AGO3: variants seen among roughly 807,000 people sequenced by gnomAD.
AGO3 encodes the protein argonaute RISC catalytic component 3, also known as protein argonaute-3.
Under a neutral mutation model 105.5 loss-of-function variants are expected in AGO3, and 16 were observed. The ratio of observed to expected loss-of-function variants is 0.15; its 90% CI spans 0.10 to 0.23. The LOEUF is 0.23. AGO3 is among the 10% of genes least tolerant of loss of function. The pLI, the probability that AGO3 is intolerant of heterozygous loss-of-function variation, is 1.00. For missense variants in AGO3, 534 were observed against 1,088.0 expected (o/e 0.49, Z 7.16); for synonymous variants, 340 against 367.3 (o/e 0.93, Z 0.85).
rs1482797691 is a variant in AGO3, at chr1:36,064,256, T to G, written c.*8511T>G. 2.6e-5 allele frequency: 4 copies of G among 152,400 alleles called. No homozygotes were observed. The highest frequency in any genetic ancestry group is 6.6e-5 in the Admixed American group (1 of 15,258). 9.4% of individuals were successfully genotyped at this position (152,400 alleles called of 1,614,324 possible). On this transcript the variant is annotated 3_prime_UTR_variant, in exon 19 of 19. Transcript: ENST00000373191. Reference sequence around the variant, plus strand: ...TTAGCTGGGCATGGTGGCACATGCCTGTAATCCCAGCTACTCGGGAGGCTG... The same window carrying G: ...TTAGCTGGGCATGGTGGCACATGCCGGTAATCCCAGCTACTCGGGAGGCTG...
chr1:35,968,946 G>C (rs1646819328), intron 3 of AGO3, among the ~76,000 whole-genome samples: 1 of 151,794 alleles, frequency 6.6e-6, no homozygotes, highest in African/African-American at 2.4e-5. Context: ...ATCCTAATGG[G>C]CGTGAGATGA....
At chr1:35,993,861 C>A (rs1425411254) in intron 5 of AGO3, among the ~76,000 whole-genome samples, 1 of 148,482 alleles carries the variant, frequency 6.7e-6, no homozygotes, top group African/African-American at 2.5e-5. Flanking sequence ...CATTGTCCTG[C>A]CTCAGCCTCC....
chr1:36,026,499 A>G (rs1641511238), intron 11 of AGO3, among the ~76,000 whole-genome samples: 1 of 152,208 alleles, frequency 6.6e-6, no homozygotes, highest in African/African-American at 2.4e-5. Context: ...AGGTAATACT[A>G]TAGAAATTCT....
intron 2 of AGO3, among the ~76,000 whole-genome samples, chr1:35,966,141 A>C (rs924438467): frequency 2.0e-5 from 3 of 152,130 alleles, no homozygotes; most frequent in Non-Finnish European, 4.4e-5. Context: ...CTTTTAAATT[A>C]GTTTTAGATT....
At chr1:35,987,315 A>G (rs1483676815) in intron 5 of AGO3, among the ~76,000 whole-genome samples, 1 of 151,432 alleles carries the variant, frequency 6.6e-6, no homozygotes, top group African/African-American at 2.4e-5. Context: ...GCGACAGAAC[A>G]AGATTCTGTC....
At chr1:36,001,579 A>G (rs188390172) in intron 5 of AGO3, among the ~76,000 whole-genome samples, 18 of 152,346 alleles carry the variant, frequency 1.2e-4, no homozygotes, top group African/African-American at 4.3e-4. Context: ...CCACACTGTA[A>G]CATAGTGTGC....
Position 36,066,106 on chromosome 1 carries a change from A to G in AGO3, c.*10361A>G, listed in dbSNP as rs942137076. On this transcript the variant is annotated 3_prime_UTR_variant, in exon 19 of 19. Transcript: ENST00000373191. ...AAAAAGAATTGCCATGAACAGCGTT[A>G]TGCGTAGAAAACAGATGGAAGTGTT... The G allele has an allele frequency of 6.6e-6, 1 of 152,016 alleles. No individual in the cohort carries two copies. The highest frequency in any genetic ancestry group is 2.1e-4 in the South Asian group (1 of 4,824). 9.4% of individuals were successfully genotyped at this position (152,016 alleles called of 1,614,324 possible). A position where few individuals can be genotyped will look rare whatever the true frequency, so the allele number is the denominator to read the frequency against.
intron 11 of AGO3, among the ~76,000 whole-genome samples, chr1:36,016,274 C>G (rs2148822044): frequency 6.6e-6 from 1 of 152,282 alleles, no homozygotes; most frequent in Non-Finnish European, 1.5e-5. Context: ...CTCCGCCTCT[C>G]AGGTTCAAGC....
At chr1:36,039,515 AAGAG>A (rs1002229272) in intron 14 of AGO3, among the ~76,000 whole-genome samples, 4 of 143,242 alleles carry the variant, frequency 2.8e-5, no homozygotes, top group Middle Eastern at 7.0e-3. Flanking sequence ...AAAAAAAAAA[AAGAG>A]AGAAAGAGAG....
chr1:36,005,960 C>T (rs1640314249), intron 6 of AGO3: 1 of 930,426 alleles, frequency 1.1e-6, no homozygotes. Flanking sequence ...TTATCTAGTC[C>T]ACTTTTTAAA....
chr1:36,020,343 G>T (rs1301926946), intron 11 of AGO3, among the ~76,000 whole-genome samples: 1 of 152,210 alleles, frequency 6.6e-6, no homozygotes, highest in Non-Finnish European at 1.5e-5. Flanking sequence ...AGTACTGACT[G>T]AGTTAGCATG....
intron 12 of AGO3, among the ~76,000 whole-genome samples, chr1:36,030,041 A>G (rs1303773069): frequency 1.3e-5 from 2 of 152,172 alleles, no homozygotes; most frequent in African/African-American, 4.8e-5. Context: ...AAGAAAACCA[A>G]TAGAGTGTGG....
At chr1:36,028,416 C>T (rs1641612835) in intron 12 of AGO3, among the ~76,000 whole-genome samples, 2 of 121,468 alleles carry the variant, frequency 1.6e-5, no homozygotes, top group African/African-American at 3.1e-5. Flanking sequence ...CCACAACAGT[C>T]CCCAGAGTGT....
In AGO3 at chr1:35,938,037, A is replaced by G. The variant is rs144343374; in HGVS notation, c.19+6592A>G. Among the ~76,000 whole-genome samples, 670 of 149,852 alleles carry G rather than the reference A, an allele frequency of 4.5e-3. 9 individuals are homozygous for G. Among genetic ancestry groups the G allele is most frequent in the African/African-American group, 0.015 (621 of 40,616 alleles). On this transcript the variant is annotated intron_variant, in intron 1 of 18. Transcript: ENST00000373191. ...GCTCTGTCGCCCAGGCTGGAGTGCA[A>G]TGGCATGATCTCGGCTCACTGCAAC... is the stretch of plus-strand genomic sequence containing the variant.
In AGO3 at chr1:35,940,614, G is replaced by C. The variant is rs916658777; in HGVS notation, c.20-5078G>C. The stretch of plus-strand genomic sequence containing the variant: ...GGATCCAAGGGCTTGATCAAATTCA[G>C]GCCATTCTTTTTGAACTTACTACAG... On this transcript the variant is annotated intron_variant, in intron 1 of 18. Transcript: ENST00000373191. Among the ~76,000 whole-genome samples, 9 of 152,100 alleles carry C rather than the reference G, an allele frequency of 5.9e-5. 1 individual carries two copies. Among genetic ancestry groups the C allele is most frequent in the Admixed American group, 6.5e-5 (1 of 15,272 alleles).
rs1169401259 is a variant in AGO3 at position 36,067,802 on chromosome 1, G to C, written c.*12057G>C. 1.3e-5 allele frequency: 2 copies of C among 151,850 alleles called. No homozygotes were observed. Among genetic ancestry groups the C allele is most frequent in the African/African-American group, 4.8e-5 (2 of 41,280 alleles). The allele number at this position is 151,850 out of a possible 1,614,324, so 9.4% of individuals were successfully genotyped here. Reference sequence around the variant, plus strand: ...GATCCCACCATTGCACTCCAGCCTGGGTGGCAGAGTGAGACTCCGTCTCAA... The same window carrying C: ...GATCCCACCATTGCACTCCAGCCTGCGTGGCAGAGTGAGACTCCGTCTCAA... On this transcript the variant is annotated 3_prime_UTR_variant, in exon 19 of 19. Transcript: ENST00000373191.
At chr1:35,940,287 G>C (rs2148744073) in intron 1 of AGO3, among the ~76,000 whole-genome samples, 1 of 152,158 alleles carries the variant, frequency 6.6e-6, no homozygotes, top group East Asian at 1.9e-4. Flanking sequence ...GGCTGGTCTT[G>C]AACTCCTGAC....
At chr1:36,016,144 G>A (rs1640891903) in intron 11 of AGO3, among the ~76,000 whole-genome samples, 1 of 152,176 alleles carries the variant, frequency 6.6e-6, no homozygotes. Context: ...TGGTACACAA[G>A]TAGCTTATCC....
intron 1 of AGO3, among the ~76,000 whole-genome samples, chr1:35,940,555 A>C (rs1646235406): frequency 6.6e-6 from 1 of 152,106 alleles, no homozygotes; most frequent in African/African-American, 2.4e-5. Context: ...ATTTAATTTA[A>C]CATAATCCTT....
Sources: gnomAD v4.1 joint callset for allele counts (sites outside exome capture counted in the v4.1 genomes callset) on GRCh38, gnomAD v4.1.1 for gene constraint, MANE v1.5 for transcripts, NCBI Gene and HGNC (gene_info 2026-07-23, HGNC 2026-07-21) for gene names.